CCDC28B: variants seen among roughly 807,000 people sequenced by gnomAD.
The protein encoded by CCDC28B is coiled-coil domain-containing protein 28B.
CCDC28B carries 17 observed loss-of-function variants against 18.7 expected under a neutral mutation model. The ratio of observed to expected loss-of-function variants is 0.91; its 90% CI spans 0.62 to 1.36. The LOEUF is 1.36. Among genes scored for constraint, CCDC28B ranks in the 40% most tolerant of loss-of-function variants. The pLI, the probability that CCDC28B is intolerant of heterozygous loss-of-function variation, is 0.00. For missense variants in CCDC28B, 213 were observed against 251.7 expected (o/e 0.85, Z 1.04); for synonymous variants, 116 against 105.1 (o/e 1.10, Z -0.64).
chr1:32,197,518 C>G (rs755289514), upstream of CCDC28B: 3 of 152,378 alleles, frequency 2.0e-5, no homozygotes, highest in Non-Finnish European at 4.4e-5. This position sits in a 1 kb window ranked among gnomAD's most constrained non-coding sequence, Gnocchi z 4.6. Flanking sequence ...CAACCAATCA[C>G]TACAGCTGCT....
chr1:32,203,857 T>C (rs763825042), intron 2 of CCDC28B, 22 bp from the exon 3 acceptor site: 15 of 1,490,006 alleles, frequency 1.0e-5, no homozygotes, highest in Non-Finnish European at 1.3e-5. Context: ...CCTGTGATCA[T>C]GGTCATGTCC....
Position 32,204,023 on chromosome 1 carries a change from C to G in CCDC28B, c.309C>G (p.His103Gln), listed in dbSNP as rs561982752. The change falls in exon 3 of 6, where the codon CAC becomes CAG. Residue 103 changes from histidine (H) to glutamine (Q), a missense_variant. Transcript: ENST00000373602. ...GGLLNLLNDF[H>Q]SGRLQAFGKE... Reference sequence around the variant, plus strand: ...TCCTGAACCTGCTCAATGATTTCCACTCTGGCCGGCTGCAGGCCTTCGGTG... The same window carrying G: ...TCCTGAACCTGCTCAATGATTTCCAGTCTGGCCGGCTGCAGGCCTTCGGTG... 6.4e-7 allele frequency: 1 copy of G among 1,554,498 alleles called. No individual in the cohort carries two copies. Among genetic ancestry groups the G allele is most frequent in the Non-Finnish European group, 8.7e-7 (1 of 1,151,552 alleles).
At position 32,203,880 on chromosome 1, in the gene CCDC28B, G is replaced by C. The variant is rs556568897; in HGVS notation, c.166G>C (p.Val56Leu). The change falls in exon 3 of 6, where the codon GTA becomes CTA. Residue 56 changes from valine to leucine, a missense_variant and splice_region_variant. Val to Leu is a conservative substitution (Grantham distance 32, BLOSUM62 1). Coordinates refer to ENST00000373602, the MANE Select transcript of CCDC28B (RefSeq NM_024296.5). ...CATGGTCATGTCCACCCCACCCAGA[G>C]TAGGCAAAGAGAAGTGCCGCCCAGT... The part of the protein sequence containing the change: ...SPKQRAKFKR[V>L]GKEKCRPVLA... The C allele has an allele frequency of 1.7e-5, 26 of 1,503,242 alleles. No homozygotes were observed. The highest frequency in any genetic ancestry group is 2.3e-5 in the Non-Finnish European group (26 of 1,126,600). The allele number at this position is 1,503,242 out of a possible 1,614,324, so 93.1% of individuals were successfully genotyped here.
At chr1:32,202,215 G>A (rs1454371599) in intron 2 of CCDC28B, 116 bp downstream of exon 2, 1 of 1,322,654 alleles carries the variant, frequency 7.6e-7, no homozygotes, top group Non-Finnish European at 1.1e-6. Context: ...TGCCTTTCTG[G>A]AGCAGACCCC....
chr1:32,200,215 A>G (rs538801634), upstream of CCDC28B, among the ~76,000 whole-genome samples: 82 of 152,282 alleles, frequency 5.4e-4, no homozygotes, highest in Middle Eastern at 0.014. Flanking sequence ...GATGAAATGT[A>G]TGTAAAGTGC....
intron 2 of CCDC28B, 73 bp downstream of exon 2, chr1:32,202,172 G>A (rs761961073): frequency 6.3e-7 from 1 of 1,579,432 alleles, no homozygotes; most frequent in Admixed American, 1.7e-5. Flanking sequence ...AGGCAAGGGG[G>A]GCCTCCGCCT....
Position 32,202,357 on chromosome 1 carries a change from G to C in CCDC28B, c.164+258G>C, listed in dbSNP as rs139852672. ...GGAGTGAGCAACTCTGCAAGAAAGT[G>C]AATGTTCCACGCTGAGAGGCTTACC... On this transcript the variant is annotated intron_variant, in intron 2 of 5. Transcript: ENST00000373602. 15 of 658,452 alleles carry C rather than the reference G, an allele frequency of 2.3e-5. No individual in the cohort carries two copies. In the East Asian group the frequency reaches 4.5e-4, roughly 20 times the overall value. The allele number at this position is 658,452 out of a possible 1,614,324, so 40.8% of individuals were successfully genotyped here.
At chr1:32,204,544 ATT>A in intron 4 of CCDC28B, 52 bp from the exon 5 acceptor site, 1 of 1,528,020 alleles carries the variant, frequency 6.5e-7, no homozygotes, top group Non-Finnish European at 8.8e-7. Context: ...AGCATTGGGG[ATT>A]TGGCCTGGTT....
chr1:32,202,410 C>A (rs1191200742), intron 2 of CCDC28B: 8 of 509,270 alleles, frequency 1.6e-5, no homozygotes, highest in Non-Finnish European at 2.6e-5. Flanking sequence ...AAAGCTATTA[C>A]CTGAAAGGTT....
chr1:32,201,669 C>CA, intron 1 of CCDC28B: 1 of 330,468 alleles, frequency 3.0e-6, no homozygotes. Flanking sequence ...TGACTGGTCC[C>CA]ACCCTTTCAG....
At chr1:32,204,528 C>A in intron 4 of CCDC28B, 70 bp from the exon 5 acceptor site, 1 of 1,524,076 alleles carries the variant, frequency 6.6e-7, no homozygotes, top group South Asian at 1.3e-5. Context: ...AGAAGATAGC[C>A]CCCAGAGCAT....
At chr1:32,198,140 C>G (rs1287320588), upstream of CCDC28B, 2 of 152,328 alleles carry the variant, frequency 1.3e-5, no homozygotes, top group Non-Finnish European at 2.9e-5. Flanking sequence ...GTCCCTGTAA[C>G]TGCTTTCCTT....
Position 32,202,004 on chromosome 1 carries a change from A to C in CCDC28B, c.69A>C (p.Thr23=). 1.9e-6 allele frequency: 3 copies of C among 1,613,944 alleles called. No homozygotes were observed. Among genetic ancestry groups the C allele is most frequent in the Non-Finnish European group, 2.5e-6 (3 of 1,179,964 alleles). The change falls in exon 2 of 6, where the codon ACA becomes ACC. Residue 23 remains threonine, a synonymous_variant. Transcript: ENST00000373602. ...CLAQPAQAPG[T]LRRVPVPTSH... is the part of the protein sequence containing the mutation. ...CCCAGCCAGCCCAGGCCCCAGGCACACTACGGAGGGTCCCTGTGCCTACCA... is the reference window on the plus strand; with the variant it reads ...CCCAGCCAGCCCAGGCCCCAGGCACCCTACGGAGGGTCCCTGTGCCTACCA...
At chr1:32,204,808 G>T in intron 5 of CCDC28B, 188 bp downstream of exon 5, 1 of 1,582,262 alleles carries the variant, frequency 6.3e-7, no homozygotes. Flanking sequence ...GAAGAAAAGT[G>T]GTTGTAGGGG....
intron 5 of CCDC28B, chr1:32,204,928 A>G: frequency 7.0e-7 from 1 of 1,432,872 alleles, no homozygotes; most frequent in Non-Finnish European, 9.3e-7. Flanking sequence ...TATTTTTACT[A>G]ATTTACACTA....
upstream of CCDC28B, among the ~76,000 whole-genome samples, chr1:32,199,013 G>T (rs1643087346): frequency 6.6e-6 from 1 of 152,132 alleles, no homozygotes; most frequent in Admixed American, 6.5e-5. Flanking sequence ...ATTCACAGGG[G>T]CCTCTAATTG....
upstream of CCDC28B, chr1:32,196,102 T>C: frequency 6.3e-6 from 1 of 159,256 alleles, no homozygotes; most frequent in Non-Finnish European, 1.4e-5. Flanking sequence ...TCCCACCTCC[T>C]TCACCACCCC....
upstream of CCDC28B, chr1:32,197,821 TTTTA>T (rs1216330584): frequency 6.6e-6 from 1 of 152,240 alleles, no homozygotes; most frequent in Non-Finnish European, 1.5e-5. This position sits in a 1 kb window ranked among gnomAD's most constrained non-coding sequence, Gnocchi z 4.6. Flanking sequence ...CACTTTTTTT[TTTTA>T]TTTGTTGTTT....
rs909645822 is a variant in CCDC28B at position 32,204,268 on chromosome 1, G to C, written c.414G>C (p.Val138=). The C allele has an allele frequency of 2.5e-6, 4 of 1,614,138 alleles. No individual in the cohort carries two copies. In the South Asian group the frequency reaches 4.4e-5, roughly 18 times the overall value. Residue 138 remains valine (V), a synonymous_variant, in exon 4 of 6, where the codon GTG becomes GTC. Transcript: ENST00000373602. ...CCCGGCTGCACTTCAGCCTGGATGT[G>C]TGTGGGGAGGAGGAGGACGATGAAG... ...KLARLHFSLD[V]CGEEEDDEEE... is the part of the protein sequence containing the mutation.
Sources: gnomAD v4.1 joint callset for allele counts (sites outside exome capture counted in the v4.1 genomes callset) on GRCh38, gnomAD v4.1.1 for gene constraint, Gnocchi (gnomAD v3.1) non-coding constraint, MANE v1.5 for transcripts, NCBI Gene and HGNC (gene_info 2026-07-23, HGNC 2026-07-21) for gene names.